The following SHLD3 variants were observed in gnomAD, a reference collection of about 807,000 sequenced individuals.
The protein encoded by SHLD3 is shieldin complex subunit 3, also known as REV7-interacting novel NHEJ regulator 1.
In SHLD3, 15 loss-of-function variants were observed where a neutral mutation model predicts 21.4. The ratio of observed to expected loss-of-function variants is 0.70; its 90% CI spans 0.47 to 1.08. The LOEUF (loss-of-function observed/expected upper bound fraction) is 1.08, where lower values mean the gene tolerates loss of function less well. SHLD3 is among the 50% of genes least tolerant of loss of function. The probability of loss-of-function intolerance (pLI) is 0.00; values close to 1 mark genes in which losing one functional copy is unlikely to be tolerated. For missense variants in SHLD3, 273 were observed against 286.1 expected, an observed-to-expected ratio of 0.95 and a Z score of 0.33; for synonymous variants, 103 against 97.2, an observed-to-expected ratio of 1.06 and a Z score of -0.35.
In SHLD3 at chr5:65,630,242, T is replaced by C. The variant is rs571337883; in HGVS notation, c.655T>C (p.Tyr219His). 6.5e-7 allele frequency: 1 copy of C among 1,535,854 alleles called. No homozygotes were observed. Among genetic ancestry groups the C allele is most frequent in the Non-Finnish European group, 8.7e-7 (1 of 1,146,746 alleles). ...GQIWVFCDIM[Y>H]CEYVGSLLKG... ...AATATGGGTGTTCTGTGATATTATG[T>C]ATTGTGAATATGTGGGAAGTCTTCT... is the stretch of plus-strand genomic sequence containing the variant. Residue 219 changes from tyrosine to histidine, a missense_variant, in exon 2 of 2, where the codon TAT becomes CAT. By Grantham distance (83) the Tyr-to-His change is moderately conservative. Transcript: ENST00000510585.
rs1036277762 is a variant in SHLD3, at chr5:65,629,680, T to C, written c.93T>C (p.Pro31=). The change falls in exon 2 of 2, where the codon CCT becomes CCC. Residue 31 remains proline (P), a synonymous_variant. Coordinates refer to ENST00000510585, the MANE Select transcript of SHLD3 (RefSeq NM_001365341.2). The stretch of plus-strand genomic sequence containing the variant: ...CAGAAAAAGCAATTCAAGACTTTCC[T>C]ACTCGTCCGCTATCAAGATTTATAC... ...KIAEKAIQDF[P]TRPLSRFIPW... 142 of 1,535,954 alleles carry C rather than the reference T, an allele frequency of 9.2e-5. No homozygotes were observed. Among genetic ancestry groups the C allele is most frequent in the Non-Finnish European group, 1.2e-4 (132 of 1,146,912 alleles).
At chr5:65,625,566 T>G (rs962618625) in intron 1 of SHLD3, 3 of 156,058 alleles carry the variant, frequency 1.9e-5, no homozygotes, top group African/African-American at 7.2e-5. Flanking sequence ...CTTAGATTTA[T>G]TCAAAACAAA....
chr5:65,628,822 G>T (rs1755380921), intron 1 of SHLD3, among the ~76,000 whole-genome samples: 2 of 149,472 alleles, frequency 1.3e-5, no homozygotes, highest in African/African-American at 2.5e-5. Context: ...AGACAGATTA[G>T]AATTTTTTTT....
Position 65,629,830 on chromosome 5 carries a change from A to G in SHLD3, c.243A>G (p.Ser81=). 6.5e-7 allele frequency: 1 copy of G among 1,536,106 alleles called. No individual in the cohort carries two copies. The highest frequency in any genetic ancestry group is 8.7e-7 in the Non-Finnish European group (1 of 1,146,886). The change falls in exon 2 of 2, where the codon TCA becomes TCG. Residue 81 remains serine (S), a synonymous_variant. Coordinates refer to ENST00000510585, the MANE Select transcript of SHLD3 (RefSeq NM_001365341.2). ...CCATTTCAGAACATGATGCTAAGTC[A>G]CACAGTTATGATTGCACAGTAGATC... is the stretch of plus-strand genomic sequence containing the variant. ...YLTISEHDAK[S]HSYDCTVDLL...
chr5:65,625,304 A>T (rs1755159278), intron 1 of SHLD3, 198 bp downstream of exon 1: 1 of 587,042 alleles, frequency 1.7e-6, no homozygotes, highest in Non-Finnish European at 3.0e-6. Context: ...AACGAAATAG[A>T]TACCTGGTAA....
At chr5:65,625,785 TTTTA>T (rs1355405548) in intron 1 of SHLD3, 2 of 152,236 alleles carry the variant, frequency 1.3e-5, no homozygotes, top group Admixed American at 1.3e-4. Flanking sequence ...TTCAGCTTTA[TTTTA>T]TTTGTTTTTT....
chr5:65,630,081 A>G lies in SHLD3; in HGVS notation c.494A>G (p.Tyr165Cys), dbSNP rs144449876. The G allele has an allele frequency of 3.0e-4, 455 of 1,536,126 alleles. No homozygotes were observed. Among genetic ancestry groups the G allele is most frequent in the Middle Eastern group, 5.0e-4 (3 of 5,986 alleles). Residue 165 changes from tyrosine to cysteine, a missense_variant, in exon 2 of 2, where the codon TAT (tyrosine) becomes TGT (cysteine). Tyr to Cys is a radical substitution (Grantham distance 194, BLOSUM62 -2). Transcript: ENST00000510585. The part of the protein sequence containing the change: ...SLKALNLHSL[Y>C]RARWTIEHTI... ...AAGGCACTAAATTTACACTCACTTT[A>G]TAGAGCAAGATGGACAATAGAACAC...
intron 1 of SHLD3, chr5:65,626,213 G>A (rs1755221018): frequency 6.6e-6 from 1 of 152,192 alleles, no homozygotes; most frequent in Admixed American, 6.5e-5. Context: ...TCAAGTATGT[G>A]GAGTAAATAT....
At chr5:65,628,239 G>C (rs1207108676) in intron 1 of SHLD3, among the ~76,000 whole-genome samples, 1 of 152,112 alleles carries the variant, frequency 6.6e-6, no homozygotes, top group Non-Finnish European at 1.5e-5. Context: ...TAGACTTCTT[G>C]TTCTCTTCCA....
At chr5:65,626,614 T>C (rs908010450) in intron 1 of SHLD3, among the ~76,000 whole-genome samples, 4 of 151,994 alleles carry the variant, frequency 2.6e-5, no homozygotes, top group Non-Finnish European at 5.9e-5. Context: ...CGGGCGCCTG[T>C]AGTCCCAGTT....
chr5:65,627,745 G>A (rs1378157658), intron 1 of SHLD3, among the ~76,000 whole-genome samples: 1 of 152,094 alleles, frequency 6.6e-6, no homozygotes, highest in East Asian at 1.9e-4. Flanking sequence ...AAAAACATTA[G>A]TGCATCATTA....
Position 65,629,859 on chromosome 5 carries a change from T to C in SHLD3, c.272T>C (p.Leu91Ser), listed in dbSNP as rs947835329. 3 of 1,536,068 alleles carry C rather than the reference T, an allele frequency of 2.0e-6. No homozygotes were observed. In the African/African-American group the frequency reaches 4.1e-5, roughly 21 times the overall value. The stretch of plus-strand genomic sequence containing the variant: ...AGTTATGATTGCACAGTAGATCTAT[T>C]GGAGTTTCAACCTAGCTTGAAAAAG... Reference protein sequence around the residue: ...SHSYDCTVDLLEFQPSLKKQH... With the variant: ...SHSYDCTVDLSEFQPSLKKQH... Residue 91 changes from leucine (L) to serine (S), a missense_variant, in exon 2 of 2, where the codon TTG (leucine) becomes TCG (serine). Coordinates refer to ENST00000510585, the MANE Select transcript of SHLD3 (RefSeq NM_001365341.2).
chr5:65,629,702 A>G lies in SHLD3; in HGVS notation c.115A>G (p.Ile39Val). The change falls in exon 2 of 2, where the codon ATA becomes GTA. Residue 39 changes from isoleucine to valine, a missense_variant. Physicochemically the swap from Ile to Val is conservative, Grantham distance 29. Coordinates refer to ENST00000510585, the MANE Select transcript of SHLD3 (RefSeq NM_001365341.2). ...DFPTRPLSRF[I>V]PWFPYDGSKL... is the part of the protein sequence containing the mutation. Reference sequence around the variant, plus strand: ...TCCTACTCGTCCGCTATCAAGATTTATACCTTGGTTTCCATATGATGGGTC... The same window carrying G: ...TCCTACTCGTCCGCTATCAAGATTTGTACCTTGGTTTCCATATGATGGGTC... 4 of 1,536,088 alleles carry G rather than the reference A, an allele frequency of 2.6e-6. No individual in the cohort carries two copies. Among genetic ancestry groups the G allele is most frequent in the Non-Finnish European group, 3.5e-6 (4 of 1,146,918 alleles).
chr5:65,627,024 C>G (rs1172398881), intron 1 of SHLD3, among the ~76,000 whole-genome samples: 1 of 146,520 alleles, frequency 6.8e-6, no homozygotes, highest in East Asian at 2.0e-4. Flanking sequence ...CCCAGCTACT[C>G]GGGAGACTGA....
At chr5:65,627,625 CAA>C (rs77913020) in intron 1 of SHLD3, among the ~76,000 whole-genome samples, 19 of 120,324 alleles carry the variant, frequency 1.6e-4, no homozygotes, top group Non-Finnish European at 1.8e-4. Flanking sequence ...GACTCTGTCT[CAA>C]AAAAAAAAAA....
chr5:65,625,889 C>T (rs1227307664), intron 1 of SHLD3: 1 of 152,194 alleles, frequency 6.6e-6, no homozygotes, highest in African/African-American at 2.4e-5. Flanking sequence ...GCTCAATAAA[C>T]ATTCGGGTTC....
At position 65,629,562 on chromosome 5, in the gene SHLD3, A is replaced by G. The variant is rs1373783560; in HGVS notation, c.-26A>G. On this transcript the variant is annotated 5_prime_UTR_variant, in exon 2 of 2. Coordinates refer to ENST00000510585, the MANE Select transcript of SHLD3 (RefSeq NM_001365341.2). Reference sequence around the variant, plus strand: ...AGTTCAACTAAGAAATTTTCTCATCACTAAGAGTAACTGGATTACTGCAGA... The same window carrying G: ...AGTTCAACTAAGAAATTTTCTCATCGCTAAGAGTAACTGGATTACTGCAGA... 8.7e-6 allele frequency: 13 copies of G among 1,494,442 alleles called. No homozygotes were observed. In the East Asian group the frequency reaches 3.2e-4, roughly 37 times the overall value. 92.6% of individuals were successfully genotyped at this position (1,494,442 alleles called of 1,614,324 possible).
At chr5:65,627,562 G>A (rs561516737) in intron 1 of SHLD3, among the ~76,000 whole-genome samples, 2 of 151,444 alleles carry the variant, frequency 1.3e-5, no homozygotes, top group South Asian at 2.1e-4. Context: ...CCTGGGAGGC[G>A]AAGGTTGCTG....
At chr5:65,628,735 T>C (rs1282866979) in intron 1 of SHLD3, among the ~76,000 whole-genome samples, 1 of 152,010 alleles carries the variant, frequency 6.6e-6, no homozygotes, top group African/African-American at 2.4e-5. Flanking sequence ...CCCCATAAAG[T>C]TCTGGGATTA....
Sources: gnomAD v4.1 joint callset for allele counts (sites outside exome capture counted in the v4.1 genomes callset) on GRCh38, gnomAD v4.1.1 for gene constraint, MANE v1.5 for transcripts, NCBI Gene and HGNC (gene_info 2026-07-23, HGNC 2026-07-21) for gene names.